TAOK1: variants seen among roughly 807,000 people sequenced by gnomAD.
TAOK1 encodes TAO kinase 1.
A neutral mutation model predicts 138.3 loss-of-function variants in TAOK1; 21 were observed. The observed-to-expected ratio is 0.15, with a 90% CI of 0.11 to 0.22. The LOEUF is 0.22. Among genes scored for constraint, TAOK1 ranks in the 10% least tolerant of loss-of-function variants. The pLI is 1.00. For synonymous variants in TAOK1, 361 were observed against 398.4 expected, an observed-to-expected ratio of 0.91 and a Z score of 1.12; for missense variants, 651 against 1,227.7, an observed-to-expected ratio of 0.53 and a Z score of 7.02.
intron 18 of TAOK1, among the ~76,000 whole-genome samples, chr17:29,532,106 C>A (rs937131986): frequency 6.6e-6 from 1 of 152,010 alleles, no homozygotes; most frequent in African/African-American, 2.4e-5. Flanking sequence ...GTGATCCGCC[C>A]GCCTCAGCCT....
intron 4 of TAOK1, among the ~76,000 whole-genome samples, chr17:29,476,775 T>C (rs1423432877): frequency 6.6e-6 from 1 of 152,208 alleles, no homozygotes; most frequent in East Asian, 1.9e-4. Context: ...GTGAATGCCA[T>C]GTAAATAGTT....
chr17:29,431,825 G>A (rs559667785), intron 1 of TAOK1, among the ~76,000 whole-genome samples: 49 of 31,982 alleles, frequency 1.5e-3, no homozygotes, highest in African/African-American at 6.1e-3. Context: ...TTTTTTTTTT[G>A]AGATGGAGTC....
intron 1 of TAOK1, among the ~76,000 whole-genome samples, chr17:29,397,632 A>G (rs1190573554): frequency 2.3e-5 from 2 of 86,342 alleles, no homozygotes; most frequent in South Asian, 3.8e-4. Flanking sequence ...ATATATATAC[A>G]TGTATACATG....
At chr17:29,506,103 C>A (rs1478759854) in intron 13 of TAOK1, among the ~76,000 whole-genome samples, 1 of 152,138 alleles carries the variant, frequency 6.6e-6, no homozygotes, top group African/African-American at 2.4e-5. Flanking sequence ...TCCAGTAATT[C>A]CACTTCTGGG....
At chr17:29,399,142 G>T (rs897672994) in intron 1 of TAOK1, among the ~76,000 whole-genome samples, 15 of 151,656 alleles carry the variant, frequency 9.9e-5, no homozygotes, top group Non-Finnish European at 2.1e-4. Context: ...AAATGCCACT[G>T]CCTGGCTAAT....
chr17:29,437,841 T>C (rs1906083862), intron 1 of TAOK1, among the ~76,000 whole-genome samples: 1 of 150,398 alleles, frequency 6.6e-6, no homozygotes, highest in Admixed American at 6.7e-5. Context: ...TCAACGATTC[T>C]CTTGCCTCAG....
chr17:29,399,905 T>A (rs1314674919), intron 1 of TAOK1, among the ~76,000 whole-genome samples: 1 of 151,924 alleles, frequency 6.6e-6, no homozygotes, highest in Admixed American at 6.6e-5. Flanking sequence ...AATTTTTTTT[T>A]ATTTTTAGTA....
At chr17:29,505,790 C>T (rs1257926746) in intron 13 of TAOK1, among the ~76,000 whole-genome samples, 1 of 152,082 alleles carries the variant, frequency 6.6e-6, no homozygotes, top group Non-Finnish European at 1.5e-5. Flanking sequence ...AAAAAATTAG[C>T]TGGGTATGGT....
At chr17:29,404,310 G>C (rs1904932163) in intron 1 of TAOK1, among the ~76,000 whole-genome samples, 1 of 152,012 alleles carries the variant, frequency 6.6e-6, no homozygotes, top group Non-Finnish European at 1.5e-5. Context: ...CTACAGCCCT[G>C]TGCTACCACA....
chr17:29,475,288 A>T (rs1458214497), intron 3 of TAOK1, among the ~76,000 whole-genome samples: 1 of 152,188 alleles, frequency 6.6e-6, no homozygotes, highest in Admixed American at 6.5e-5. Flanking sequence ...TCTAAAAATG[A>T]CCATATTTTG....
intron 1 of TAOK1, among the ~76,000 whole-genome samples, chr17:29,416,684 T>C (rs1231786723): frequency 1.3e-5 from 2 of 152,146 alleles, no homozygotes; most frequent in Admixed American, 6.6e-5. Flanking sequence ...CTGAGTAAAA[T>C]ATTTTTAAGT....
chr17:29,479,091 C>T (rs755760935), intron 6 of TAOK1, among the ~76,000 whole-genome samples: 1 of 151,114 alleles, frequency 6.6e-6, no homozygotes, highest in Non-Finnish European at 1.5e-5. Flanking sequence ...TGCCACTGTA[C>T]ACACTGTACA....
intron 1 of TAOK1, among the ~76,000 whole-genome samples, chr17:29,424,075 G>A (rs1029976754): frequency 6.9e-5 from 10 of 145,048 alleles, no homozygotes; most frequent in African/African-American, 1.0e-4. Context: ...AAGCAAACTT[G>A]TTTCATGGCC....
At chr17:29,465,335 A>G (rs2030635859) in intron 2 of TAOK1, among the ~76,000 whole-genome samples, 1 of 151,162 alleles carries the variant, frequency 6.6e-6, no homozygotes, top group Non-Finnish European at 1.5e-5. Flanking sequence ...TATTTTTAGT[A>G]GAGACGGGGT....
At chr17:29,423,504 A>G (rs1192653201) in intron 1 of TAOK1, among the ~76,000 whole-genome samples, 2 of 151,754 alleles carry the variant, frequency 1.3e-5, no homozygotes, top group Non-Finnish European at 2.9e-5. Context: ...GGCGTGAGCC[A>G]CTGCGCCCAG....
intron 1 of TAOK1, among the ~76,000 whole-genome samples, chr17:29,447,395 C>T (rs2030111564): frequency 6.6e-6 from 1 of 152,054 alleles, no homozygotes; most frequent in East Asian, 1.9e-4. Context: ...GGCAATGGCA[C>T]AGTCTGCTCA....
chr17:29,482,073 C>T, intron 7 of TAOK1, 124 bp from the exon 8 acceptor site: 1 of 637,772 alleles, frequency 1.6e-6, no homozygotes, highest in Admixed American at 3.0e-5. Context: ...TATAAAAATT[C>T]TTATGTCCAG....
intron 1 of TAOK1, among the ~76,000 whole-genome samples, chr17:29,413,981 C>T (rs1905208501): frequency 1.5e-5 from 2 of 137,610 alleles, no homozygotes; most frequent in Admixed American, 1.6e-4. Flanking sequence ...CTCCGGGGTT[C>T]ACGCCATTCT....
At chr17:29,534,928 G>GGGGTGTGT (rs746742307) in intron 19 of TAOK1, among the ~76,000 whole-genome samples, 1 of 147,222 alleles carries the variant, frequency 6.8e-6, no homozygotes, top group Non-Finnish European at 1.5e-5. Flanking sequence ...AGGATACTAA[G>GGGGTGTGT]GTGTGTGTGT....
Sources: gnomAD v4.1 joint callset for allele counts (sites outside exome capture counted in the v4.1 genomes callset) on GRCh38, gnomAD v4.1.1 for gene constraint, MANE v1.5 for transcripts, NCBI Gene and HGNC (gene_info 2026-07-23, HGNC 2026-07-21) for gene names.